Variants in WRN observed in about 807,000 individuals in gnomAD.
The protein encoded by WRN is bifunctional 3'-5' exonuclease/ATP-dependent helicase WRN.
Under a neutral mutation model 180.7 loss-of-function variants are expected in WRN, and 149 were observed. That is an observed-to-expected ratio of 0.82 (90% CI 0.72 to 0.94). The LOEUF is 0.94. WRN is among the 40% of genes least tolerant of loss of function. The pLI, the probability that WRN is intolerant of heterozygous loss-of-function variation, is 0.00. For synonymous variants in WRN, 548 were observed against 568.9 expected (o/e 0.96, Z 0.52); for missense variants, 1,661 against 1,700.1 (o/e 0.98, Z 0.40).
intron 1 of WRN, among the ~76,000 whole-genome samples, chr8:31,045,403 A>ATT (rs59456074): frequency 5.7e-5 from 8 of 139,706 alleles, no homozygotes; most frequent in South Asian, 2.3e-4. Context: ...TTCCACACTA[A>ATT]TTTTTTTTTT....
At chr8:31,098,740 A>G (rs1298119781) in intron 17 of WRN, among the ~76,000 whole-genome samples, 2 of 152,154 alleles carry the variant, frequency 1.3e-5, no homozygotes, top group Admixed American at 1.3e-4. Flanking sequence ...GAAACAGCAA[A>G]CATAGTTTTA....
intron 21 of WRN, 63 bp from the exon 22 acceptor site, chr8:31,124,459 A>T: frequency 7.7e-7 from 1 of 1,303,336 alleles, no homozygotes; most frequent in Non-Finnish European, 1.1e-6. Context: ...AAATAAGTAA[A>T]AAAAAAAGTA....
intron 3 of WRN, among the ~76,000 whole-genome samples, chr8:31,060,570 G>A (rs6990188): frequency 0.025 from 3,874 of 152,218 alleles, 114 homozygotes; most frequent in East Asian, 0.073. Flanking sequence ...AAAGGCAGAG[G>A]TAGGTTAAGC....
At chr8:31,069,417 G>A (rs1042886865) in intron 7 of WRN, among the ~76,000 whole-genome samples, 1 of 151,854 alleles carries the variant, frequency 6.6e-6, no homozygotes, top group Non-Finnish European at 1.5e-5. Flanking sequence ...CATATCCCTG[G>A]GTTCTGCATC....
At chr8:31,091,639 C>T (rs1813750019) in intron 15 of WRN, among the ~76,000 whole-genome samples, 191 bp from the exon 16 acceptor site, 4 of 151,946 alleles carry the variant, frequency 2.6e-5, no homozygotes, top group Admixed American at 2.6e-4. Flanking sequence ...TTTCAAAGAC[C>T]CACCTTAAAA....
At chr8:31,093,775 C>T (rs1023328437) in intron 16 of WRN, among the ~76,000 whole-genome samples, 4 of 152,112 alleles carry the variant, frequency 2.6e-5, no homozygotes, top group Non-Finnish European at 5.9e-5. Context: ...CCCCAGTCAC[C>T]GGGTAACTGC....
chr8:31,078,382 A>AT (rs1218518200), intron 8 of WRN, among the ~76,000 whole-genome samples: 4 of 152,200 alleles, frequency 2.6e-5, no homozygotes, highest in African/African-American at 4.8e-5. Flanking sequence ...AAATAATGCT[A>AT]TAAGCATGTA....
chr8:31,161,331 C>T (rs746637622), intron 33 of WRN, among the ~76,000 whole-genome samples: 1 of 151,974 alleles, frequency 6.6e-6, no homozygotes, highest in Non-Finnish European at 1.5e-5. Context: ...TGTTGTTGGG[C>T]GATTTCATTT....
chr8:31,123,298 T>C (rs765433333), intron 21 of WRN, among the ~76,000 whole-genome samples: 1 of 152,090 alleles, frequency 6.6e-6, no homozygotes, highest in Non-Finnish European at 1.5e-5. Context: ...GCCTAATTTA[T>C]AAATTAAACT....
At chr8:31,132,719 G>A (rs1004499779) in intron 24 of WRN, among the ~76,000 whole-genome samples, 3 of 152,146 alleles carry the variant, frequency 2.0e-5, no homozygotes, top group Admixed American at 1.3e-4. Flanking sequence ...TGTTCAAGCC[G>A]ATGTTCAGCT....
intron 34 of WRN, among the ~76,000 whole-genome samples, chr8:31,168,134 C>T (rs191249746): frequency 3.3e-4 from 50 of 152,098 alleles, no homozygotes; most frequent in Non-Finnish European, 5.9e-5. Context: ...ACTTGAGTTA[C>T]GTCTGTATAT....
intron 18 of WRN, among the ~76,000 whole-genome samples, chr8:31,110,432 T>C (rs1271344264): frequency 6.6e-6 from 1 of 152,224 alleles, no homozygotes; most frequent in Non-Finnish European, 1.5e-5. Flanking sequence ...TAGTTTTGAT[T>C]TAATTTTTTT....
intron 7 of WRN, among the ~76,000 whole-genome samples, chr8:31,074,973 GGAAGTGGT>G (rs1813045073): frequency 1.3e-5 from 2 of 152,166 alleles, no homozygotes; most frequent in Non-Finnish European, 2.9e-5. Context: ...GTTGTAGTCT[GGAAGTGGT>G]GATTTTATTG....
chr8:31,130,429 T>A (rs1802113470), intron 23 of WRN, among the ~76,000 whole-genome samples: 1 of 152,180 alleles, frequency 6.6e-6, no homozygotes, highest in Admixed American at 6.5e-5. Context: ...CTATAGTAGA[T>A]TTTCTTTAAT....
intron 10 of WRN, 90 bp downstream of exon 10, chr8:31,083,869 T>C (rs1191535084): frequency 1.5e-5 from 20 of 1,346,684 alleles, no homozygotes; most frequent in East Asian, 4.9e-5. Context: ...AACTAGGTTC[T>C]ACCACAATGA....
intron 24 of WRN, among the ~76,000 whole-genome samples, chr8:31,135,239 G>A (rs1802353373): frequency 6.6e-6 from 1 of 151,674 alleles, no homozygotes; most frequent in Admixed American, 6.6e-5. Context: ...TAATTTTTTT[G>A]TAGGTATGGG....
Position 31,141,587 on chromosome 8 carries a change from C to A in WRN, c.3125C>A (p.Ala1042Asp), listed in dbSNP as rs759240091. 1 of 1,614,020 alleles carries A rather than the reference C, an allele frequency of 6.2e-7. No individual in the cohort carries two copies. The highest frequency in any genetic ancestry group is 8.5e-7 in the Non-Finnish European group (1 of 1,180,000). Residue 1042 changes from alanine to aspartate, a missense_variant, in exon 25 of 35, where the codon GCC becomes GAC. Ala to Asp is a moderately radical substitution (Grantham distance 126). Transcript: ENST00000298139. ...TATAACAAATTTATGAAGATTTGCG[C>A]CCTTACGAAAAAGGTAAACGGTGTA... Reference protein sequence around the residue: ...SRYNKFMKICALTKKGRNWLH... With the variant: ...SRYNKFMKICDLTKKGRNWLH...
Position 31,137,959 on chromosome 8 carries a change from C to T in WRN, c.2968-3471C>T, listed in dbSNP as rs188440601. Reference sequence around the variant, plus strand: ...ACAAAAAAAGTTTTAAAAATATTAGCGGGCATGGTGGAATACACCTGTAGT... The same window carrying T: ...ACAAAAAAAGTTTTAAAAATATTAGTGGGCATGGTGGAATACACCTGTAGT... On this transcript the variant is annotated intron_variant, in intron 24 of 34. Coordinates refer to ENST00000298139, the MANE Select transcript of WRN (RefSeq NM_000553.6). Among the ~76,000 whole-genome samples, 230 of 152,120 alleles carry T rather than the reference C, an allele frequency of 1.5e-3. 1 individual carries two copies. The highest frequency in any genetic ancestry group is 5.2e-3 in the African/African-American group (216 of 41,498).
chr8:31,097,728 A>G (rs1814047853), intron 17 of WRN, among the ~76,000 whole-genome samples: 1 of 152,024 alleles, frequency 6.6e-6, no homozygotes, highest in South Asian at 2.1e-4. Flanking sequence ...GCGGTGAGCC[A>G]AGATCATGCT....
Sources: gnomAD v4.1 joint callset for allele counts (sites outside exome capture counted in the v4.1 genomes callset) on GRCh38, gnomAD v4.1.1 for gene constraint, MANE v1.5 for transcripts, NCBI Gene and HGNC (gene_info 2026-07-23, HGNC 2026-07-21) for gene names.